GGT5: variants seen among roughly 807,000 people sequenced by gnomAD.
GGT5 encodes glutathione hydrolase 5 proenzyme.
GGT5 carries 50 observed loss-of-function variants against 58.1 expected under a neutral mutation model. The observed-to-expected ratio is 0.86, with a 90% CI of 0.69 to 1.09. The LOEUF (loss-of-function observed/expected upper bound fraction) is 1.09. Among genes scored for constraint, GGT5 ranks in the 50% least tolerant of loss-of-function variants. The probability of loss-of-function intolerance (pLI) is 0.00; values close to 1 mark genes in which losing one functional copy is unlikely to be tolerated. For synonymous variants in GGT5, 370 were observed against 346.1 expected (o/e 1.07, Z -0.77); for missense variants, 800 against 789.4 (o/e 1.01, Z -0.16).
intron 1 of GGT5, among the ~76,000 whole-genome samples, chr22:24,238,901 ATATAT>A (rs2048233656): frequency 7.8e-5 from 1 of 12,822 alleles, no homozygotes; most frequent in African/African-American, 3.7e-4. Context: ...TTATATATAT[ATATAT>A]TATATATATT....
rs566333887 is a variant in GGT5 at position 24,234,107 on chromosome 22, C to T, written c.174-103G>A. 5.5e-4 allele frequency: 640 copies of T among 1,159,652 alleles called. 1 individual carries two copies. Among genetic ancestry groups the T allele is most frequent in the African/African-American group, 5.2e-3 (343 of 65,526 alleles). The allele number at this position is 1,159,652 out of a possible 1,614,324, so 71.8% of individuals were successfully genotyped here. On this transcript the variant is annotated intron_variant, in intron 1 of 11. Transcript: ENST00000327365. Reference sequence around the variant, plus strand: ...TTGGAGAATGGTGACGGAGGCGGCACGTCGGCTGCCACCAAACCGCAGATT... The same window carrying T: ...TTGGAGAATGGTGACGGAGGCGGCATGTCGGCTGCCACCAAACCGCAGATT...
chr22:24,221,239 G>A (rs1032892293), intron 11 of GGT5, among the ~76,000 whole-genome samples: 3 of 152,144 alleles, frequency 2.0e-5, no homozygotes, highest in Non-Finnish European at 4.4e-5. Context: ...TCTTGCCTGG[G>A]CACCAGACTG....
chr22:24,237,058 C>A (rs1395589876), intron 1 of GGT5, among the ~76,000 whole-genome samples: 3 of 138,942 alleles, frequency 2.2e-5, no homozygotes, highest in African/African-American at 5.3e-5. Flanking sequence ...GTCACCATTA[C>A]TTTTAATGGC....
chr22:24,231,353 TG>T, intron 6 of GGT5, 30 bp downstream of exon 6: 1 of 1,307,712 alleles, frequency 7.6e-7, no homozygotes. Flanking sequence ...GGGGAGGGGG[TG>T]GGCGCCAGGG....
At chr22:24,237,268 G>A (rs1381168962) in intron 1 of GGT5, among the ~76,000 whole-genome samples, 4 of 152,046 alleles carry the variant, frequency 2.6e-5, no homozygotes, top group African/African-American at 9.7e-5. Flanking sequence ...CACGTGGGGT[G>A]CAGGTTTCTT....
At position 24,226,641 on chromosome 22, in the gene GGT5, G is replaced by A. The variant is rs1167099658; in HGVS notation, c.1028C>T (p.Pro343Leu). The change falls in exon 7 of 12, where the codon CCG becomes CTG. Residue 343 changes from proline (P) to leucine (L), a missense_variant. Coordinates refer to ENST00000327365, the MANE Select transcript of GGT5 (RefSeq NM_004121.5). ...RWRLGDPRSH[P>L]KLQNASRDLL... ...CCTCAGCAACCTCACCTGGAGCTTC[G>A]GGTGGCTTCGAGGGTCCCCCAGCCT... 4.3e-6 allele frequency: 7 copies of A among 1,613,940 alleles called. No individual in the cohort carries two copies. The Admixed American group carries it at 6.7e-5, about 15-fold the overall frequency.
At position 24,244,754 on chromosome 22, in the gene GGT5, G is replaced by A; in HGVS notation, c.-29C>T. 6.3e-7 allele frequency: 1 copy of A among 1,581,604 alleles called. No individual in the cohort carries two copies. Among genetic ancestry groups the A allele is most frequent in the Non-Finnish European group, 8.6e-7 (1 of 1,161,758 alleles). The stretch of plus-strand genomic sequence containing the variant: ...TCTGCAGCCCAGGAGGAGAGGGGCG[G>A]CTGGTGGGCAGACGGAGGGACGGAT... On this transcript the variant is annotated 5_prime_UTR_variant, in exon 1 of 12. Coordinates refer to ENST00000327365, the MANE Select transcript of GGT5 (RefSeq NM_004121.5).
chr22:24,226,356 C>T, intron 7 of GGT5, 90 bp from the exon 8 acceptor site: 1 of 1,029,118 alleles, frequency 9.7e-7, no homozygotes, highest in South Asian at 1.5e-5. Context: ...CCCATGGGGG[C>T]CACCTCCAGT....
chr22:24,225,327 G>A lies in GGT5; in HGVS notation c.1421C>T (p.Ser474Phe). 1 of 1,613,988 alleles carries A rather than the reference G, an allele frequency of 6.2e-7. No individual in the cohort carries two copies. Among genetic ancestry groups the A allele is most frequent in the Admixed American group, 1.7e-5 (1 of 60,002 alleles). Residue 474 changes from serine to phenylalanine, a missense_variant, in exon 10 of 12, where the codon TCC (serine) becomes TTC (phenylalanine). Coordinates refer to ENST00000327365, the MANE Select transcript of GGT5 (RefSeq NM_004121.5). ...CCCCTGGGCTTTGTTGATCAAGATG[G>A]AGGGCACCATGGAGGATGGGGAACG... ...GERSPSSMVP[S>F]ILINKAQGSK...
At chr22:24,227,720 G>A (rs1047370465) in intron 6 of GGT5, among the ~76,000 whole-genome samples, 1 of 152,030 alleles carries the variant, frequency 6.6e-6, no homozygotes, top group African/African-American at 2.4e-5. Context: ...CACAAGCCAA[G>A]GAATGCTGGC....
At position 24,219,976 on chromosome 22, in the gene GGT5, G is replaced by T. The variant is rs887780516; in HGVS notation, c.1755C>A (p.Gly585=). Residue 585 remains glycine, a synonymous_variant, in exon 12 of 12, where the codon GGC becomes GGA. Coordinates refer to ENST00000327365, the MANE Select transcript of GGT5 (RefSeq NM_004121.5). ...SDLRKSGEAA[G]Y ...CTCTGGGCAGAGCAGTGTCTTAGTA[G>T]CCTGCGGCCTCCCCACTCTTCCTCA... is the stretch of plus-strand genomic sequence containing the variant. 1.9e-6 allele frequency: 3 copies of T among 1,614,050 alleles called. No homozygotes were observed. The highest frequency in any genetic ancestry group is 2.5e-6 in the Non-Finnish European group (3 of 1,179,936).
rs5760272 is a variant in GGT5, at chr22:24,240,610, T to G, written c.173+3943A>C. Among the ~76,000 whole-genome samples, 943 of 152,032 alleles carry G rather than the reference T, an allele frequency of 6.2e-3. 44 individuals carry two copies. In the East Asian group the frequency reaches 0.084, roughly 14 times the overall value. ...ATCATGCGATTCTCCCCGCTCAGCC[T>G]CCCAAGTAGCTGGGACTACAAGTGT... On this transcript the variant is annotated intron_variant, in intron 1 of 11. Coordinates refer to ENST00000327365, the MANE Select transcript of GGT5 (RefSeq NM_004121.5).
intron 1 of GGT5, among the ~76,000 whole-genome samples, chr22:24,240,526 T>C (rs900350474): frequency 1.3e-5 from 2 of 151,712 alleles, no homozygotes; most frequent in African/African-American, 4.8e-5. Context: ...CCTCACTCTG[T>C]CTCCCAGGCC....
chr22:24,229,719 C>T (rs747378680), intron 6 of GGT5, among the ~76,000 whole-genome samples: 16 of 151,430 alleles, frequency 1.1e-4, no homozygotes, highest in Non-Finnish European at 1.8e-4. Flanking sequence ...GGCTTGGTAG[C>T]GTGCACCTGT....
At chr22:24,234,555 C>T (rs758539167) in intron 1 of GGT5, among the ~76,000 whole-genome samples, 1 of 152,194 alleles carries the variant, frequency 6.6e-6, no homozygotes, top group Non-Finnish European at 1.5e-5. Context: ...TGTGGTGGCT[C>T]ATGCCTATAA....
At position 24,226,282 on chromosome 22, in the gene GGT5, A is replaced by C. The variant is rs770708357; in HGVS notation, c.1039-16T>G. 1.3e-6 allele frequency: 2 copies of C among 1,578,896 alleles called. No homozygotes were observed. Among genetic ancestry groups the C allele is most frequent in the East Asian group, 2.2e-5 (1 of 44,504 alleles). ...GGGAGGCATTCTGGGGTGGGTGGGCAGGTGGCAGGGTCAGTGAGGGGCCAG... is the reference window on the plus strand; with the variant it reads ...GGGAGGCATTCTGGGGTGGGTGGGCCGGTGGCAGGGTCAGTGAGGGGCCAG... On this transcript the variant is annotated splice_polypyrimidine_tract_variant and intron_variant, in intron 7 of 11. Transcript: ENST00000327365.
In GGT5 at chr22:24,220,112, AC is replaced by A; in HGVS notation, c.1618del (p.Val540CysfsTer19). 2 of 1,613,856 alleles carry A rather than the reference AC, an allele frequency of 1.2e-6. No homozygotes were observed. Among genetic ancestry groups the A allele is most frequent in the Non-Finnish European group, 8.5e-7 (1 of 1,179,938 alleles). On this transcript the variant is annotated frameshift_variant, in exon 12 of 12. Transcript: ENST00000327365. LOFTEE classifies it low-confidence loss of function (END_TRUNC). Reference protein sequence around the residue: ...VEYEPNFSQEVQRGLQDRGQN... With the variant: ...VEYEPNFSQEXQRGLQDRGQN... ...GCCACGGTCTTGGAGTCCCCTCTGC[AC>A]CTCCTGGAGAGGAGAGAAAGCAGGT...
rs571450930 is a variant in GGT5 at position 24,228,954 on chromosome 22, G to A, written c.902-2187C>T. ...ATAATACAAAAATTAGCCGGGCATG[G>A]TAGCACACATGGGTAGTCCTAGCTA... On this transcript the variant is annotated intron_variant, in intron 6 of 11. Transcript: ENST00000327365. Among the ~76,000 whole-genome samples, 274 of 151,820 alleles carry A rather than the reference G, an allele frequency of 1.8e-3. 1 individual carries two copies. The highest frequency in any genetic ancestry group is 2.4e-3 in the Non-Finnish European group (163 of 67,948).
chr22:24,239,288 G>A (rs2048264800), intron 1 of GGT5, among the ~76,000 whole-genome samples: 1 of 151,436 alleles, frequency 6.6e-6, no homozygotes, highest in Admixed American at 6.6e-5. Context: ...GCAGTGAGCC[G>A]AGATTGTGCC....
Sources: allele counts gnomAD v4.1 joint callset (sites outside exome capture counted in the v4.1 genomes callset), GRCh38; gene constraint gnomAD v4.1.1; transcripts MANE v1.5; gene names NCBI Gene and HGNC (gene_info 2026-07-23, HGNC 2026-07-21).